Variants in HMGXB3 observed in about 807,000 individuals in gnomAD.
The protein encoded by HMGXB3 is HMG domain-containing protein 3.
A neutral mutation model predicts 121.5 loss-of-function variants in HMGXB3; 45 were observed. That is an observed-to-expected ratio of 0.37 (90% confidence interval 0.29 to 0.47). The LOEUF (loss-of-function observed/expected upper bound fraction) is 0.47, where lower values mean the gene tolerates loss of function less well. Ranked by LOEUF, HMGXB3 falls within the 20% of genes least tolerant of loss-of-function variation. The pLI is 0.99. For missense variants in HMGXB3, 1,376 were observed against 1,602.2 expected (o/e 0.86, Z 2.41); for synonymous variants, 590 against 624.1 (o/e 0.95, Z 0.81).
intron 9 of HMGXB3, among the ~76,000 whole-genome samples, chr5:150,028,993 A>G (rs1756311437): frequency 6.6e-6 from 1 of 152,038 alleles, no homozygotes; most frequent in Non-Finnish European, 1.5e-5. Context: ...TTTAGTTGTC[A>G]TGTCTCTTTA....
In HMGXB3 at chr5:150,032,550, A is replaced by G; in HGVS notation, c.1930A>G (p.Ser644Gly). The change falls in exon 11 of 20, where the codon AGC becomes GGC. Residue 644 changes from serine to glycine, a missense_variant. Ser to Gly is a moderately conservative substitution (Grantham distance 56). This residue lies in a region of HMGXB3 where 1,116 missense variants were observed against 1,369.0 expected (regional missense o/e 0.82). Coordinates refer to ENST00000502717, the MANE Select transcript of HMGXB3 (RefSeq NM_014983.3). ...TNRHKPRICPSCGVNLAKDRT... is the reference protein window; with the variant it reads ...TNRHKPRICPGCGVNLAKDRT... Reference sequence around the variant, plus strand: ...CAGGCACAAACCTCGAATTTGTCCCAGCTGTGGTGTTAACCTTGCCAAAGA... The same window carrying G: ...CAGGCACAAACCTCGAATTTGTCCCGGCTGTGGTGTTAACCTTGCCAAAGA... The G allele has an allele frequency of 1.3e-6, 2 of 1,552,264 alleles. No individual in the cohort carries two copies. The highest frequency in any genetic ancestry group is 1.7e-6 in the Non-Finnish European group (2 of 1,147,094).
rs143658174 is a variant in HMGXB3, at chr5:150,024,727, G to A, written c.1460+47G>A. 1,324 of 1,414,546 alleles carry A rather than the reference G, an allele frequency of 9.4e-4. 7 individuals carry two copies. In the African/African-American group the frequency reaches 0.012, roughly 13 times the overall value. 87.6% of individuals were successfully genotyped at this position (1,414,546 alleles called of 1,614,324 possible). A position where few individuals can be genotyped will look rare whatever the true frequency, so the allele number is the denominator to read the frequency against. The stretch of plus-strand genomic sequence containing the variant: ...ATATAGGGCTTTGGAAATGCCCCAT[G>A]TTTCTTTTATCTCATGTCTGTACAG... On this transcript the variant is annotated intron_variant, in intron 7 of 19. Transcript: ENST00000502717.
chr5:150,010,526 G>A lies in HMGXB3; in HGVS notation c.728G>A (p.Gly243Asp). 1 of 1,551,564 alleles carries A rather than the reference G, an allele frequency of 6.4e-7. No individual in the cohort carries two copies. The highest frequency in any genetic ancestry group is 8.7e-7 in the Non-Finnish European group (1 of 1,146,976). The stretch of plus-strand genomic sequence containing the variant: ...GTAATTGAAGAGACCTTGGTGAATG[G>A]CTCACCAGACCTCCCCACTGGAAGC... ...SLVIEETLVN[G>D]SPDLPTGSLA... Residue 243 changes from glycine to aspartate, a missense_variant, in exon 4 of 20, where the codon GGC (glycine) becomes GAC (aspartate). Physicochemically the swap from Gly to Asp is moderately conservative, Grantham distance 94. Transcript: ENST00000502717.
intron 6 of HMGXB3, among the ~76,000 whole-genome samples, chr5:150,018,938 C>G (rs1756021146): frequency 6.6e-6 from 1 of 152,080 alleles, no homozygotes; most frequent in Non-Finnish European, 1.5e-5. Context: ...GTACTTCTTT[C>G]CAGTCTTTTT....
At chr5:150,006,961 TTAATA>T (rs1447772620) in intron 3 of HMGXB3, among the ~76,000 whole-genome samples, 4 of 152,212 alleles carry the variant, frequency 2.6e-5, no homozygotes, top group Non-Finnish European at 5.9e-5. Context: ...GTAGTAAACT[TTAATA>T]TAGTAGTTTA....
intron 17 of HMGXB3, 79 bp downstream of exon 17, chr5:150,047,836 A>C: frequency 6.8e-7 from 1 of 1,462,390 alleles, no homozygotes; most frequent in South Asian, 1.2e-5. Flanking sequence ...AGGGATATGA[A>C]TATCTGTGAT....
In HMGXB3 at chr5:150,024,369, G is replaced by A; in HGVS notation, c.1149G>A (p.Lys383=). The A allele has an allele frequency of 1.9e-6, 3 of 1,551,720 alleles. No homozygotes were observed. Among genetic ancestry groups the A allele is most frequent in the Non-Finnish European group, 2.6e-6 (3 of 1,146,994 alleles). Residue 383 remains lysine, a synonymous_variant, in exon 7 of 20, where the codon AAG becomes AAA. Transcript: ENST00000502717. ...QPVTTEQNSS[K]ENASKLTLEN... ...TCACCACTGAGCAAAATTCCTCTAA[G>A]GAAAATGCCTCCAAACTGACTCTGG...
At chr5:150,004,799 C>T in intron 1 of HMGXB3, 52 bp from the exon 2 acceptor site, 2 of 1,279,898 alleles carry the variant, frequency 1.6e-6, no homozygotes, top group Non-Finnish European at 2.2e-6. Flanking sequence ...GAAGCTGCTG[C>T]CCCTCTTAGG....
chr5:150,004,975 G>A lies in HMGXB3; in HGVS notation c.123G>A (p.Lys41=). Residue 41 remains lysine, a synonymous_variant, in exon 2 of 20, where the codon AAG becomes AAA. Coordinates refer to ENST00000502717, the MANE Select transcript of HMGXB3 (RefSeq NM_014983.3). ...KKKKYKIHGE[K]TKKPRSAYLL... ...AAAAGTATAAAATACATGGAGAAAA[G>A]ACAAAGAAACCCAGGTTAGCCAACA... 9.0e-6 allele frequency: 14 copies of A among 1,549,512 alleles called. No individual in the cohort carries two copies. Among genetic ancestry groups the A allele is most frequent in the Non-Finnish European group, 1.2e-5 (14 of 1,146,530 alleles).
chr5:150,026,055 C>T (rs1756223035), intron 7 of HMGXB3, among the ~76,000 whole-genome samples: 1 of 152,216 alleles, frequency 6.6e-6, no homozygotes, highest in African/African-American at 2.4e-5. Flanking sequence ...TGGTCTTGAT[C>T]TCCTGACCTT....
At chr5:150,028,634 A>G (rs1172342037) in intron 9 of HMGXB3, among the ~76,000 whole-genome samples, 2 of 144,340 alleles carry the variant, frequency 1.4e-5, no homozygotes, top group Non-Finnish European at 3.0e-5. Flanking sequence ...TGGTGCAATC[A>G]TAGCTCACTG....
chr5:150,024,189 A>C, intron 6 of HMGXB3, 73 bp from the exon 7 acceptor site: 1 of 1,228,550 alleles, frequency 8.1e-7, no homozygotes. Flanking sequence ...ATGTTATTAA[A>C]AATGAGAGAA....
chr5:150,052,769 G>A lies in HMGXB3; in HGVS notation c.*577G>A, dbSNP rs779904439. The A allele has an allele frequency of 1.9e-5, 3 of 154,084 alleles. No homozygotes were observed. The highest frequency in any genetic ancestry group is 6.4e-5 in the Admixed American group (1 of 15,568). 9.5% of individuals were successfully genotyped at this position (154,084 alleles called of 1,614,324 possible). A position where few individuals can be genotyped will look rare whatever the true frequency, so the allele number is the denominator to read the frequency against. On this transcript the variant is annotated 3_prime_UTR_variant, in exon 20 of 20. Transcript: ENST00000502717. The stretch of plus-strand genomic sequence containing the variant: ...CCCACATTTGGGGGAAGCTGAGGAG[G>A]GAGGAACAGTCAGCCACAGCTCTCT...
chr5:150,051,603 C>A, intron 19 of HMGXB3, 122 bp from the exon 20 acceptor site: 1 of 792,110 alleles, frequency 1.3e-6, no homozygotes, highest in Non-Finnish European at 2.0e-6. Context: ...GCCTAGGAGA[C>A]ACAGTACATG....
At chr5:150,011,396 T>C (rs543348128) in intron 4 of HMGXB3, among the ~76,000 whole-genome samples, 69 of 152,114 alleles carry the variant, frequency 4.5e-4, no homozygotes, top group Admixed American at 2.1e-3. Context: ...CTCTATAACC[T>C]TGGAGAGGAT....
chr5:150,019,392 C>T (rs1756034382), intron 6 of HMGXB3, among the ~76,000 whole-genome samples: 1 of 152,158 alleles, frequency 6.6e-6, no homozygotes, highest in Admixed American at 6.5e-5. Flanking sequence ...CTTGGTATCT[C>T]CCACAGCCTT....
At chr5:150,032,656 G>T in intron 11 of HMGXB3, 53 bp downstream of exon 11, 1 of 1,535,588 alleles carries the variant, frequency 6.5e-7, no homozygotes, top group Non-Finnish European at 8.8e-7. Context: ...CTCTGTTAGT[G>T]AACCTGTCTT....
intron 6 of HMGXB3, among the ~76,000 whole-genome samples, chr5:150,023,604 A>G (rs1426548171): frequency 1.3e-5 from 2 of 152,262 alleles, no homozygotes; most frequent in African/African-American, 4.8e-5. Context: ...TAAGACACCA[A>G]GGACTTTTTA....
intron 11 of HMGXB3, 110 bp from the exon 12 acceptor site, chr5:150,036,526 C>T (rs1756504120): frequency 1.0e-6 from 1 of 962,468 alleles, no homozygotes; most frequent in Non-Finnish European, 1.5e-6. Context: ...GGTTTGCCAC[C>T]TATCAGTCAT....
Sources: allele counts gnomAD v4.1 joint callset (sites outside exome capture counted in the v4.1 genomes callset), GRCh38; gene constraint gnomAD v4.1.1; regional missense constraint gnomAD v4.1.1; transcripts MANE v1.5; gene names NCBI Gene and HGNC (gene_info 2026-07-23, HGNC 2026-07-21).